The following INPP4B variants were observed in gnomAD, a reference collection of about 807,000 sequenced individuals.
INPP4B encodes inositol polyphosphate-4-phosphatase type II B.
In INPP4B, 55 loss-of-function variants were observed where a neutral mutation model predicts 122.5. The observed-to-expected ratio is 0.45, with a 90% CI of 0.36 to 0.56. INPP4B has a LOEUF of 0.56. Ranked by LOEUF, INPP4B falls within the 20% of genes least tolerant of loss-of-function variation. INPP4B has a pLI of 0.00. For missense variants in INPP4B, 1,000 were observed against 1,097.7 expected (o/e 0.91, Z 1.26); for synonymous variants, 403 against 388.7 (o/e 1.04, Z -0.43).
intron 9 of INPP4B, among the ~76,000 whole-genome samples, chr4:142,276,303 T>C (rs192001671): frequency 1.2e-4 from 19 of 152,056 alleles, no homozygotes; most frequent in African/African-American, 4.1e-4. Flanking sequence ...TCCTTAGACA[T>C]TGCCCAGTAC....
chr4:142,640,976 T>G (rs1188378564), intron 2 of INPP4B, among the ~76,000 whole-genome samples: 1 of 152,174 alleles, frequency 6.6e-6, no homozygotes, highest in African/African-American at 2.4e-5. Context: ...CTGCTGCTGA[T>G]AGGAATATAA....
intron 1 of INPP4B, among the ~76,000 whole-genome samples, chr4:142,843,440 T>C (rs1271956584): frequency 6.6e-6 from 1 of 151,876 alleles, no homozygotes; most frequent in Admixed American, 6.6e-5. Flanking sequence ...ACAGGACATG[T>C]TGAAAAACTA....
chr4:142,612,362 A>G (rs1044263893), intron 2 of INPP4B, among the ~76,000 whole-genome samples: 3 of 152,234 alleles, frequency 2.0e-5, no homozygotes, highest in Admixed American at 6.5e-5. Context: ...ATTATTTAAC[A>G]CATAGTGTGT....
intron 25 of INPP4B, among the ~76,000 whole-genome samples, chr4:142,065,925 C>T (rs1763292921): frequency 6.6e-6 from 1 of 152,100 alleles, no homozygotes; most frequent in African/African-American, 2.4e-5. Flanking sequence ...GTGCACTGCC[C>T]TCCAGGAACC....
intron 7 of INPP4B, among the ~76,000 whole-genome samples, chr4:142,379,990 C>G (rs540511402): frequency 6.6e-6 from 1 of 152,150 alleles, no homozygotes; most frequent in Non-Finnish European, 1.5e-5. Context: ...ACTTGAAAGT[C>G]GTAAGAATGA....
intron 24 of INPP4B, among the ~76,000 whole-genome samples, chr4:142,085,248 T>G (rs1776191753): frequency 6.6e-6 from 1 of 152,226 alleles, no homozygotes; most frequent in Admixed American, 6.5e-5. Context: ...GATATTGAAT[T>G]ATAATTGAAG....
intron 1 of INPP4B, among the ~76,000 whole-genome samples, chr4:142,749,774 T>C (rs1395494799): frequency 1.3e-5 from 2 of 152,080 alleles, no homozygotes. Context: ...TTTTATGTGA[T>C]GTTAACCTAC....
intron 1 of INPP4B, among the ~76,000 whole-genome samples, chr4:142,776,023 C>T (rs1187657263): frequency 6.6e-6 from 1 of 152,108 alleles, no homozygotes; most frequent in Non-Finnish European, 1.5e-5. Flanking sequence ...CTATGTCTTT[C>T]CATATAGAGC....
chr4:142,109,676 TC>T (rs1406986717), intron 22 of INPP4B, among the ~76,000 whole-genome samples: 1 of 152,182 alleles, frequency 6.6e-6, no homozygotes, highest in Non-Finnish European at 1.5e-5. Flanking sequence ...CTATGATACT[TC>T]CCCCACGGAT....
chr4:142,275,128 A>G (rs1488750329), intron 9 of INPP4B, among the ~76,000 whole-genome samples: 1 of 151,850 alleles, frequency 6.6e-6, no homozygotes, highest in Non-Finnish European at 1.5e-5. Flanking sequence ...GCTGGAACAC[A>G]TTAATATTTT....
chr4:142,436,010 C>G (rs999136130), intron 3 of INPP4B, among the ~76,000 whole-genome samples: 1 of 152,154 alleles, frequency 6.6e-6, no homozygotes, highest in African/African-American at 2.4e-5. Flanking sequence ...ACACTAAGCT[C>G]CCAGTGGGGA....
At chr4:142,252,968 A>G (rs1279630336) in intron 11 of INPP4B, among the ~76,000 whole-genome samples, 1 of 152,224 alleles carries the variant, frequency 6.6e-6, no homozygotes, top group Non-Finnish European at 1.5e-5. Context: ...TAGATGGTAG[A>G]GCCTACTACA....
chr4:142,072,230 G>T (rs971464895), intron 25 of INPP4B, among the ~76,000 whole-genome samples: 1 of 151,960 alleles, frequency 6.6e-6, no homozygotes, highest in African/African-American at 2.4e-5. Context: ...GCAAACTATC[G>T]CAAGGACAGA....
At chr4:142,153,804 GA>G (rs1448393096) in intron 17 of INPP4B, among the ~76,000 whole-genome samples, 2 of 152,128 alleles carry the variant, frequency 1.3e-5, no homozygotes, top group Non-Finnish European at 2.9e-5. Flanking sequence ...TTTTATAGGT[GA>G]AAATATTAAC....
rs189617361 is a variant in INPP4B, at chr4:142,769,075, G to T, written c.-253-43174C>A. Among the ~76,000 whole-genome samples the T allele has an allele frequency of 3.3e-5, 5 of 152,296 alleles. No homozygotes were observed. In the East Asian group the frequency reaches 9.6e-4, roughly 29 times the overall value. Reference sequence around the variant, plus strand: ...AGAGGTCAAATTTATAAGTTTTGATGATTGGATATACATGGAAATTAAAGA... The same window carrying T: ...AGAGGTCAAATTTATAAGTTTTGATTATTGGATATACATGGAAATTAAAGA... On this transcript the variant is annotated intron_variant, in intron 1 of 25. Coordinates refer to ENST00000262992, the MANE Select transcript of INPP4B (RefSeq NM_001101669.3).
At position 142,237,911 on chromosome 4, in the gene INPP4B, A is replaced by G. The variant is rs761914537; in HGVS notation, c.789T>C (p.His263=). Residue 263 remains histidine, a synonymous_variant, in exon 12 of 26, where the codon CAT becomes CAC. Coordinates refer to ENST00000262992, the MANE Select transcript of INPP4B (RefSeq NM_001101669.3). ...GAAGGGAAATCAATTCCTTAGGAATATGAAAGGAAAGAATGCTCTCTGACA... is the reference window on the plus strand; with the variant it reads ...GAAGGGAAATCAATTCCTTAGGAATGTGAAAGGAAAGAATGCTCTCTGACA... ...EQMSESILSF[H]IPKELISLHI... is the part of the protein sequence containing the mutation. 2.5e-6 allele frequency: 4 copies of G among 1,581,658 alleles called. No individual in the cohort carries two copies. In the South Asian group the frequency reaches 3.4e-5, roughly 13 times the overall value.
chr4:142,346,496 C>T (rs144242612), intron 7 of INPP4B, among the ~76,000 whole-genome samples: 1 of 151,950 alleles, frequency 6.6e-6, no homozygotes, highest in African/African-American at 2.4e-5. Flanking sequence ...AGATAAAAGT[C>T]TCTTTCATAA....
intron 7 of INPP4B, among the ~76,000 whole-genome samples, chr4:142,317,833 G>A (rs1768322227): frequency 6.6e-6 from 1 of 152,160 alleles, no homozygotes; most frequent in South Asian, 2.1e-4. Context: ...TCAGGAAATA[G>A]TAAGTATTCT....
At chr4:142,765,960 A>T (rs1772061080) in intron 1 of INPP4B, 1 of 151,838 alleles carries the variant, frequency 6.6e-6, no homozygotes, top group African/African-American at 2.4e-5. Context: ...AGTCTGTTGA[A>T]TTTTTCCAGC....
Sources: allele counts gnomAD v4.1 joint callset (sites outside exome capture counted in the v4.1 genomes callset), GRCh38; gene constraint gnomAD v4.1.1; transcripts MANE v1.5; gene names NCBI Gene and HGNC (gene_info 2026-07-23, HGNC 2026-07-21).